Variants in UQCC3 observed in about 807,000 individuals in gnomAD.
UQCC3 encodes ubiquinol-cytochrome-c reductase complex assembly factor 3.
In UQCC3, 3 loss-of-function variants were observed where a neutral mutation model predicts 3.4. That is an observed-to-expected ratio of 0.88 (90% confidence interval 0.40 to 2.26). The LOEUF (loss-of-function observed/expected upper bound fraction) is 2.26. Ranked by LOEUF, UQCC3 falls within the 30% of genes most tolerant of loss-of-function variation. The pLI, the probability that UQCC3 is intolerant of heterozygous loss-of-function variation, is 0.05. For missense variants in UQCC3, 141 were observed against 123.0 expected (o/e 1.15, Z -0.69); for synonymous variants, 57 against 57.1 (o/e 1.00, Z 0.00).
chr11:62,671,911 C>T (rs750538799), intron 1 of UQCC3, 42 bp from the exon 2 acceptor site: 3 of 1,613,064 alleles, frequency 1.9e-6, no homozygotes, highest in Admixed American at 3.3e-5. Flanking sequence ...GGGTGGAGAG[C>T]CCCGGACTGG....
chr11:62,672,274 A>C lies in UQCC3; in HGVS notation c.*160A>C. On this transcript the variant is annotated 3_prime_UTR_variant, in exon 2 of 2. Transcript: ENST00000377953. ...CCGTCGGGTGAGCACGTTTCCCCCAAACCCTGGACTGACTGCTTTAAGGTC... is the reference window on the plus strand; with the variant it reads ...CCGTCGGGTGAGCACGTTTCCCCCACACCCTGGACTGACTGCTTTAAGGTC... 2 of 746,610 alleles carry C rather than the reference A, an allele frequency of 2.7e-6. No homozygotes were observed. Among genetic ancestry groups the C allele is most frequent in the Non-Finnish European group, 4.3e-6 (2 of 469,020 alleles). 46.2% of individuals were successfully genotyped at this position (746,610 alleles called of 1,614,324 possible).
rs35548045 is a variant in UQCC3 at position 62,672,504 on chromosome 11, ATTTTTTTT to A, written c.*405_*412del. ...CTGATCCCGATAGGTATCTGACCAC[ATTTTTTTT>A]TTTTTTTTTTTTTTGAGACGGAGTC... On this transcript the variant is annotated 3_prime_UTR_variant, in exon 2 of 2. Transcript: ENST00000377953. 2.7e-5 allele frequency: 3 copies of A among 109,852 alleles called. No individual in the cohort carries two copies. Among genetic ancestry groups the A allele is most frequent in the East Asian group, 3.0e-4 (1 of 3,360 alleles). 6.8% of individuals were successfully genotyped at this position (109,852 alleles called of 1,614,324 possible). A position where few individuals can be genotyped will look rare whatever the true frequency, so the allele number is the denominator to read the frequency against.
chr11:62,671,794 G>A lies in UQCC3; in HGVS notation c.49G>A (p.Gly17Arg). Reference protein sequence around the residue: ...MLISVAMLGAGAGVGYALLVI... With the variant: ...MLISVAMLGARAGVGYALLVI... The stretch of plus-strand genomic sequence containing the variant: ...GATCTCAGTCGCAATGCTGGGCGCA[G>A]GGGCTGGCGTGGGCTACGCGCTCCT... The change falls in exon 1 of 2, where the codon GGG becomes AGG. Residue 17 changes from glycine to arginine, a missense_variant. Coordinates refer to ENST00000377953, the MANE Select transcript of UQCC3 (RefSeq NM_001085372.3). 6.2e-7 allele frequency: 1 copy of A among 1,614,192 alleles called. No individual in the cohort carries two copies. The highest frequency in any genetic ancestry group is 8.5e-7 in the Non-Finnish European group (1 of 1,180,036).
At position 62,671,699 on chromosome 11, in the gene UQCC3, G is replaced by A. The variant is rs1645329862; in HGVS notation, c.-47G>A. 1 of 1,604,796 alleles carries A rather than the reference G, an allele frequency of 6.2e-7. No homozygotes were observed. Among genetic ancestry groups the A allele is most frequent in the South Asian group, 1.1e-5 (1 of 90,648 alleles). ...GTGAGACCGCGCGGCAACAGCTTGC[G>A]GCTGCGGGGAGCTCCCGTGGGCGCT... On this transcript the variant is annotated 5_prime_UTR_variant, in exon 1 of 2. Transcript: ENST00000377953.
At position 62,672,503 on chromosome 11, in the gene UQCC3, CA is replaced by C. The variant is rs1944961726; in HGVS notation, c.*390del. On this transcript the variant is annotated 3_prime_UTR_variant, in exon 2 of 2. Transcript: ENST00000377953. ...GCTGATCCCGATAGGTATCTGACCA[CA>C]TTTTTTTTTTTTTTTTTTTTTTGAG... 1.3e-5 allele frequency: 2 copies of C among 157,704 alleles called. No individual in the cohort carries two copies. The highest frequency in any genetic ancestry group is 2.8e-5 in the African/African-American group (1 of 35,152). The allele number at this position is 157,704 out of a possible 1,614,324, so 9.8% of individuals were successfully genotyped here. A position where few individuals can be genotyped will look rare whatever the true frequency, so the allele number is the denominator to read the frequency against.
rs575623983 is a variant in UQCC3, at chr11:62,671,801, G to C, written c.56G>C (p.Gly19Ala). 1.7e-5 allele frequency: 28 copies of C among 1,614,172 alleles called. No homozygotes were observed. In the East Asian group the frequency reaches 6.0e-4, roughly 35 times the overall value. The change falls in exon 1 of 2, where the codon GGC becomes GCC. Residue 19 changes from glycine (G) to alanine (A), a missense_variant. By Grantham distance (60) the Gly-to-Ala change is moderately conservative. Transcript: ENST00000377953. ...ISVAMLGAGAGVGYALLVIVT... is the reference protein window; with the variant it reads ...ISVAMLGAGAAVGYALLVIVT... ...GTCGCAATGCTGGGCGCAGGGGCTG[G>C]CGTGGGCTACGCGCTCCTCGTTATC...
In UQCC3 at chr11:62,672,491, G is replaced by T; in HGVS notation, c.*377G>T. On this transcript the variant is annotated 3_prime_UTR_variant, in exon 2 of 2. Transcript: ENST00000377953. ...CCACCAGAAGAGGCTGATCCCGATAGGTATCTGACCACATTTTTTTTTTTT... is the reference window on the plus strand; with the variant it reads ...CCACCAGAAGAGGCTGATCCCGATATGTATCTGACCACATTTTTTTTTTTT... 4.5e-6 allele frequency: 1 copy of T among 221,190 alleles called. No homozygotes were observed. Among genetic ancestry groups the T allele is most frequent in the Non-Finnish European group, 8.9e-6 (1 of 111,956 alleles). The allele number at this position is 221,190 out of a possible 1,614,324, so 13.7% of individuals were successfully genotyped here.
rs1025537896 is a variant in UQCC3, at chr11:62,671,690, A to G, written c.-56A>G. The G allele has an allele frequency of 2.5e-6, 4 of 1,601,220 alleles. No homozygotes were observed. The African/African-American group carries it at 5.4e-5, about 21-fold the overall frequency. On this transcript the variant is annotated 5_prime_UTR_variant, in exon 1 of 2. Coordinates refer to ENST00000377953, the MANE Select transcript of UQCC3 (RefSeq NM_001085372.3). ...CAAGGGGTAGTGAGACCGCGCGGCA[A>G]CAGCTTGCGGCTGCGGGGAGCTCCC...
At position 62,672,387 on chromosome 11, in the gene UQCC3, C is replaced by T. The variant is rs1400575364; in HGVS notation, c.*273C>T. On this transcript the variant is annotated 3_prime_UTR_variant, in exon 2 of 2. Transcript: ENST00000377953. ...CATGTTCCTCCACCCAGAATGAGCC[C>T]TGCAGTCGACACCTACCAATGCTTA... 4 of 501,652 alleles carry T rather than the reference C, an allele frequency of 8.0e-6. No individual in the cohort carries two copies. Among genetic ancestry groups the T allele is most frequent in the Non-Finnish European group, 1.4e-5 (4 of 277,206 alleles). 31.1% of individuals were successfully genotyped at this position (501,652 alleles called of 1,614,324 possible). A position where few individuals can be genotyped will look rare whatever the true frequency, so the allele number is the denominator to read the frequency against.
chr11:62,671,934 C>T lies in UQCC3; in HGVS notation c.121-19C>T. ...AGCCCCGGACTGGAGCTCCTGCGAA[C>T]TCCCCTTCCTGCCCTCAGGAGATGC... On this transcript the variant is annotated intron_variant, in intron 1 of 1. Coordinates refer to ENST00000377953, the MANE Select transcript of UQCC3 (RefSeq NM_001085372.3). 2 of 1,613,408 alleles carry T rather than the reference C, an allele frequency of 1.2e-6. No homozygotes were observed. Among genetic ancestry groups the T allele is most frequent in the Non-Finnish European group, 1.7e-6 (2 of 1,179,516 alleles).
At position 62,672,041 on chromosome 11, in the gene UQCC3, C is replaced by T; in HGVS notation, c.209C>T (p.Thr70Met). 1.2e-6 allele frequency: 2 copies of T among 1,611,810 alleles called. No homozygotes were observed. Among genetic ancestry groups the T allele is most frequent in the Non-Finnish European group, 1.7e-6 (2 of 1,179,206 alleles). Residue 70 changes from threonine to methionine, a missense_variant, in exon 2 of 2, where the codon ACG (threonine) becomes ATG (methionine). Transcript: ENST00000377953. ...LLATLQEAATTQENVAWRKNW... is the reference protein window; with the variant it reads ...LLATLQEAATMQENVAWRKNW... ...GCCACTCTGCAGGAGGCAGCGACCA[C>T]GCAGGAGAACGTGGCCTGGAGGAAG...
In UQCC3 at chr11:62,672,150, T is replaced by G. The variant is rs765365923; in HGVS notation, c.*36T>G. The G allele has an allele frequency of 1.2e-5, 19 of 1,541,872 alleles. No homozygotes were observed. The Admixed American group carries it at 3.7e-4, about 30-fold the overall frequency. On this transcript the variant is annotated 3_prime_UTR_variant, in exon 2 of 2. Coordinates refer to ENST00000377953, the MANE Select transcript of UQCC3 (RefSeq NM_001085372.3). ...GCCTCCGTGGGCGCCGGACCTTGGC[T>G]TGGGCGCAGGAATCCGAGGCAGCCT... is the stretch of plus-strand genomic sequence containing the variant.
Position 62,672,073 on chromosome 11 carries a change from A to C in UQCC3, c.241A>C (p.Met81Leu), listed in dbSNP as rs766387103. The change falls in exon 2 of 2, where the codon ATG (methionine) becomes CTG (leucine). Residue 81 changes from methionine (M) to leucine (L), a missense_variant. Physicochemically the swap from Met to Leu is conservative, Grantham distance 15. Transcript: ENST00000377953. The part of the protein sequence containing the change: ...QENVAWRKNW[M>L]VGGEGGAGGR... Reference sequence around the variant, plus strand: ...GAACGTGGCCTGGAGGAAGAACTGGATGGTTGGCGGCGAAGGCGGCGCCGG... The same window carrying C: ...GAACGTGGCCTGGAGGAAGAACTGGCTGGTTGGCGGCGAAGGCGGCGCCGG... The C allele has an allele frequency of 3.1e-6, 5 of 1,605,760 alleles. No individual in the cohort carries two copies. In the Admixed American group the frequency reaches 8.6e-5, roughly 28 times the overall value.
Position 62,671,704 on chromosome 11 carries a change from C to T in UQCC3, c.-42C>T, listed in dbSNP as rs201784790. On this transcript the variant is annotated 5_prime_UTR_variant, in exon 1 of 2. Transcript: ENST00000377953. ...ACCGCGCGGCAACAGCTTGCGGCTGCGGGGAGCTCCCGTGGGCGCTCCGCT... is the reference window on the plus strand; with the variant it reads ...ACCGCGCGGCAACAGCTTGCGGCTGTGGGGAGCTCCCGTGGGCGCTCCGCT... 1.4e-4 allele frequency: 230 copies of T among 1,605,882 alleles called. 1 individual carries two copies. The African/African-American group carries it at 2.3e-3, about 16-fold the overall frequency.
rs760383171 is a variant in UQCC3, at chr11:62,672,131, G to A, written c.*17G>A. The A allele has an allele frequency of 9.6e-6, 15 of 1,555,414 alleles. No individual in the cohort carries two copies. The South Asian group carries it at 1.3e-4, about 13-fold the overall frequency. ...TCACCGTGAGACCGGACTTGCCTCC[G>A]TGGGCGCCGGACCTTGGCTTGGGCG... On this transcript the variant is annotated 3_prime_UTR_variant, in exon 2 of 2. Transcript: ENST00000377953.
At position 62,672,221 on chromosome 11, in the gene UQCC3, C is replaced by T; in HGVS notation, c.*107C>T. 1 of 1,171,658 alleles carries T rather than the reference C, an allele frequency of 8.5e-7. No homozygotes were observed. The highest frequency in any genetic ancestry group is 1.2e-6 in the Non-Finnish European group (1 of 837,806). The allele number at this position is 1,171,658 out of a possible 1,614,324, so 72.6% of individuals were successfully genotyped here. ...GGAGAGTCCGGACCGAGATACCATG[C>T]CAGGACTCTCCGGGGTCCTGTGAGC... On this transcript the variant is annotated 3_prime_UTR_variant, in exon 2 of 2. Coordinates refer to ENST00000377953, the MANE Select transcript of UQCC3 (RefSeq NM_001085372.3).
In UQCC3 at chr11:62,671,874, A is replaced by T; in HGVS notation, c.120+9A>T. The T allele has an allele frequency of 6.2e-7, 1 of 1,613,936 alleles. No individual in the cohort carries two copies. The highest frequency in any genetic ancestry group is 8.5e-7 in the Non-Finnish European group (1 of 1,179,898). On this transcript the variant is annotated intron_variant, in intron 1 of 1. Coordinates refer to ENST00000377953, the MANE Select transcript of UQCC3 (RefSeq NM_001085372.3). ...AGCAGGAAATGCTAAAGGTAGAAGC[A>T]ACTGGTAGTCCCGAGGAAGGGTGGG... is the stretch of plus-strand genomic sequence containing the variant.
rs1319711619 is a variant in UQCC3 at position 62,671,726 on chromosome 11, C to T, written c.-20C>T. The T allele has an allele frequency of 1.2e-6, 2 of 1,611,806 alleles. No individual in the cohort carries two copies. The highest frequency in any genetic ancestry group is 1.7e-5 in the Admixed American group (1 of 59,958). On this transcript the variant is annotated 5_prime_UTR_variant, in exon 1 of 2. Transcript: ENST00000377953. ...CTGCGGGGAGCTCCCGTGGGCGCTCCGCTGGCTGTGCAGGCGGCCATGGAT... is the reference window on the plus strand; with the variant it reads ...CTGCGGGGAGCTCCCGTGGGCGCTCTGCTGGCTGTGCAGGCGGCCATGGAT...
rs1944959868 is a variant in UQCC3, at chr11:62,672,348, A to G, written c.*234A>G. 1.7e-6 allele frequency: 1 copy of G among 573,398 alleles called. No homozygotes were observed. The highest frequency in any genetic ancestry group is 1.9e-5 in the African/African-American group (1 of 53,298). The allele number at this position is 573,398 out of a possible 1,614,324, so 35.5% of individuals were successfully genotyped here. A position where few individuals can be genotyped will look rare whatever the true frequency, so the allele number is the denominator to read the frequency against. On this transcript the variant is annotated 3_prime_UTR_variant, in exon 2 of 2. Coordinates refer to ENST00000377953, the MANE Select transcript of UQCC3 (RefSeq NM_001085372.3). ...CGCGAGTCGGATGTGGTGAACTGAA[A>G]GAACCAATAAAATCATGTTCCTCCA... is the stretch of plus-strand genomic sequence containing the variant.
Sources: gnomAD v4.1 joint callset for allele counts on GRCh38, gnomAD v4.1.1 for gene constraint, MANE v1.5 for transcripts, NCBI Gene and HGNC (gene_info 2026-07-23, HGNC 2026-07-21) for gene names.